Variants in CDC14A observed in about 807,000 individuals in gnomAD.
The protein encoded by CDC14A is dual specificity protein phosphatase CDC14A.
In CDC14A, 53 loss-of-function variants were observed where a neutral mutation model predicts 74.4. The ratio of observed to expected loss-of-function variants is 0.71; its 90% confidence interval spans 0.57 to 0.89. CDC14A has a LOEUF of 0.89. Ranked by LOEUF, CDC14A falls within the 40% of genes least tolerant of loss-of-function variation. CDC14A has a pLI of 0.00. For synonymous variants in CDC14A, 247 were observed against 258.4 expected (o/e 0.96, Z 0.43); for missense variants, 646 against 713.7 (o/e 0.91, Z 1.08).
At chr1:100,366,197 A>G (rs1248116513) in intron 2 of CDC14A, among the ~76,000 whole-genome samples, 1 of 152,202 alleles carries the variant, frequency 6.6e-6, no homozygotes, top group Non-Finnish European at 1.5e-5. Context: ...TAACGATCTT[A>G]TAGAATTTAT....
intron 4 of CDC14A, 57 bp downstream of exon 4, chr1:100,390,881 G>A (rs1231427358): frequency 7.8e-7 from 1 of 1,275,910 alleles, no homozygotes; most frequent in Admixed American, 1.7e-5. Context: ...TGCTAACACT[G>A]TCAAAGAAAA....
intron 11 of CDC14A, among the ~76,000 whole-genome samples, chr1:100,493,529 G>A (rs560988976): frequency 1.3e-5 from 2 of 152,356 alleles, no homozygotes; most frequent in South Asian, 4.1e-4. Context: ...GGATAGAACT[G>A]AATGGTAAAA....
chr1:100,385,952 A>G (rs972792508), intron 3 of CDC14A, among the ~76,000 whole-genome samples: 1 of 152,136 alleles, frequency 6.6e-6, no homozygotes, highest in Non-Finnish European at 1.5e-5. Flanking sequence ...AGATCACTTG[A>G]GGTCAGGAGT....
At chr1:100,482,259 A>G (rs2101348128) in intron 10 of CDC14A, among the ~76,000 whole-genome samples, 1 of 152,184 alleles carries the variant, frequency 6.6e-6, no homozygotes, top group Non-Finnish European at 1.5e-5. Flanking sequence ...TTTTGTTCCT[A>G]AAGACTCTTA....
intron 4 of CDC14A, among the ~76,000 whole-genome samples, chr1:100,400,798 C>T (rs148176311): frequency 3.5e-3 from 534 of 152,034 alleles, no homozygotes; most frequent in Non-Finnish European, 6.3e-3. Context: ...TAGCTGTGGG[C>T]GAGGAAAATT....
chr1:100,415,184 C>A (rs1265870613), intron 4 of CDC14A, among the ~76,000 whole-genome samples: 1 of 152,112 alleles, frequency 6.6e-6, no homozygotes, highest in East Asian at 1.9e-4. Context: ...CCCTAAATTG[C>A]CCATCAAAAA....
At chr1:100,431,428 T>C (rs754226991) in intron 5 of CDC14A, among the ~76,000 whole-genome samples, 3 of 152,210 alleles carry the variant, frequency 2.0e-5, no homozygotes, top group Non-Finnish European at 2.9e-5. Flanking sequence ...AAATATGGTT[T>C]TGAATAAGAT....
chr1:100,407,939 A>T (rs572504233), intron 4 of CDC14A, among the ~76,000 whole-genome samples: 13 of 152,228 alleles, frequency 8.5e-5, no homozygotes, highest in Admixed American at 2.0e-4. Flanking sequence ...TTTTAGGTTC[A>T]GGGGTACATG....
chr1:100,460,495 C>G (rs1014766401), intron 8 of CDC14A, among the ~76,000 whole-genome samples: 3 of 152,202 alleles, frequency 2.0e-5, no homozygotes, highest in Non-Finnish European at 2.9e-5. Context: ...CACCAGCCCG[C>G]CACACCAGGG....
At chr1:100,412,475 C>T (rs1660840334) in intron 4 of CDC14A, among the ~76,000 whole-genome samples, 1 of 149,936 alleles carries the variant, frequency 6.7e-6, no homozygotes, top group Non-Finnish European at 1.5e-5. Context: ...GGAAAGCTCT[C>T]TGTTTTTCTC....
chr1:100,410,233 T>A lies in CDC14A; in HGVS notation c.310-13989T>A, dbSNP rs115798764. Among the ~76,000 whole-genome samples the A allele has an allele frequency of 9.9e-3, 1,497 of 151,558 alleles. 20 individuals are homozygous for A. The highest frequency in any genetic ancestry group is 0.033 in the African/African-American group (1,384 of 41,344). On this transcript the variant is annotated intron_variant, in intron 4 of 15. Transcript: ENST00000336454. ...GCTAAAAAAAAAAAAGAAAAAAAAA[T>A]TTTTATTTTAGTTTTTTTTCCCCAA...
At chr1:100,487,131 C>T (rs997895455) in intron 11 of CDC14A, among the ~76,000 whole-genome samples, 4 of 152,098 alleles carry the variant, frequency 2.6e-5, no homozygotes, top group Non-Finnish European at 4.4e-5. Flanking sequence ...AGGCAGTATT[C>T]CTCTTGAGAT....
intron 4 of CDC14A, among the ~76,000 whole-genome samples, chr1:100,410,416 G>A (rs1660532593): frequency 6.6e-6 from 1 of 152,098 alleles, no homozygotes; most frequent in Non-Finnish European, 1.5e-5. Flanking sequence ...CTGCCTCCCA[G>A]GTTCAAGCGA....
chr1:100,436,153 G>A (rs1055171055), intron 5 of CDC14A, among the ~76,000 whole-genome samples: 3 of 152,122 alleles, frequency 2.0e-5, no homozygotes, highest in Non-Finnish European at 2.9e-5. Context: ...TTCCTTAGAA[G>A]GGATCTTCCA....
At chr1:100,350,518 C>G (rs1650857880), upstream of CDC14A, among the ~76,000 whole-genome samples, 1 of 152,128 alleles carries the variant, frequency 6.6e-6, no homozygotes. Context: ...TAATTCATTC[C>G]TCATGATCAC....
intron 4 of CDC14A, among the ~76,000 whole-genome samples, chr1:100,410,800 C>T (rs532480283): frequency 6.6e-5 from 10 of 152,274 alleles, no homozygotes; most frequent in Middle Eastern, 3.4e-3. Context: ...GATTTAACCA[C>T]GATGGTGATC....
In CDC14A at chr1:100,410,252, T is replaced by C. The variant is rs181269094; in HGVS notation, c.310-13970T>C. 4.1e-3 allele frequency among the ~76,000 whole-genome samples: 626 copies of C among 152,236 alleles called. 16 individuals carry two copies. The highest frequency in any genetic ancestry group is 0.031 in the Admixed American group (470 of 15,308). ...AAAAAATTTTTATTTTAGTTTTTTT[T>C]CCCCAAGAAACATATCTTTGAAATG... On this transcript the variant is annotated intron_variant, in intron 4 of 15. Transcript: ENST00000336454.
chr1:100,385,860 G>A (rs1019932053), intron 3 of CDC14A, among the ~76,000 whole-genome samples: 1 of 152,158 alleles, frequency 6.6e-6, no homozygotes, highest in Admixed American at 6.5e-5. Context: ...ATTATAGAGG[G>A]CTGGCTATGT....
chr1:100,470,882 G>A (rs1253017680), intron 10 of CDC14A, among the ~76,000 whole-genome samples: 2 of 152,030 alleles, frequency 1.3e-5, no homozygotes, highest in East Asian at 1.9e-4. Flanking sequence ...TTCTCATAAC[G>A]TTAATCTATA....
Sources: allele counts gnomAD v4.1 joint callset (sites outside exome capture counted in the v4.1 genomes callset), GRCh38; gene constraint gnomAD v4.1.1; transcripts MANE v1.5; gene names NCBI Gene and HGNC (gene_info 2026-07-23, HGNC 2026-07-21).